The following SHISA6 variants were observed in gnomAD, a reference collection of about 807,000 sequenced individuals.
The protein encoded by SHISA6 is shisa family member 6, also known as protein shisa-6.
Under a neutral mutation model 47.9 loss-of-function variants are expected in SHISA6, and 22 were observed. The observed-to-expected ratio is 0.46, with a 90% CI of 0.33 to 0.66. The LOEUF is 0.66. SHISA6 is among the 30% of genes least tolerant of loss of function. The probability of loss-of-function intolerance (pLI) is 0.02; values close to 1 mark genes in which losing one functional copy is unlikely to be tolerated. For missense variants in SHISA6, 680 were observed against 764.6 expected, an observed-to-expected ratio of 0.89 and a Z score of 1.30; for synonymous variants, 388 against 337.8, an observed-to-expected ratio of 1.15 and a Z score of -1.63.
chr17:11,462,613 TTTTG>T (rs1323540051), intron 3 of SHISA6, among the ~76,000 whole-genome samples: 11 of 152,122 alleles, frequency 7.2e-5, no homozygotes, highest in African/African-American at 2.2e-4. Flanking sequence ...GTGGGGTTTT[TTTTG>T]TTTGTTTGTT....
At chr17:11,350,240 C>T (rs1367918173) in intron 2 of SHISA6, among the ~76,000 whole-genome samples, 3 of 95,238 alleles carry the variant, frequency 3.1e-5, no homozygotes, top group Non-Finnish European at 6.1e-5. Context: ...AGTGCAGTGG[C>T]GCGATCTCGG....
At chr17:11,549,380 A>G (rs956255555) in intron 3 of SHISA6, among the ~76,000 whole-genome samples, 4 of 152,176 alleles carry the variant, frequency 2.6e-5, no homozygotes, top group Admixed American at 2.0e-4. Flanking sequence ...AAGGAAAAGC[A>G]CTGTACTTGT....
In SHISA6 at chr17:11,431,028, G is replaced by A. The variant is rs1328969770; in HGVS notation, c.895+51519G>A. 4.6e-5 allele frequency among the ~76,000 whole-genome samples: 7 copies of A among 152,310 alleles called. No individual in the cohort carries two copies. In the South Asian group the frequency reaches 6.2e-4, roughly 14 times the overall value. On this transcript the variant is annotated intron_variant, in intron 3 of 5. Coordinates refer to ENST00000441885, the MANE Select transcript of SHISA6 (RefSeq NM_207386.4). ...TGGGCTGGGGACTGGTTGACACAGG[G>A]CTGGGGTGCCAAGGTTTGGGATAAT...
intron 2 of SHISA6, among the ~76,000 whole-genome samples, chr17:11,350,469 C>T (rs1331850584): frequency 2.0e-5 from 3 of 151,900 alleles, no homozygotes; most frequent in Admixed American, 6.6e-5. Flanking sequence ...CATGGGCCAC[C>T]GTGCCCAGCC....
At chr17:11,410,647 T>C (rs1161804397) in intron 3 of SHISA6, among the ~76,000 whole-genome samples, 1 of 134,426 alleles carries the variant, frequency 7.4e-6, no homozygotes, top group Non-Finnish European at 1.7e-5. Flanking sequence ...CTTCATCCCT[T>C]AGGTCCAGGA....
chr17:11,430,326 G>A (rs752253512), intron 3 of SHISA6, among the ~76,000 whole-genome samples: 1 of 152,124 alleles, frequency 6.6e-6, no homozygotes, highest in Non-Finnish European at 1.5e-5. Context: ...GAGTAGAATT[G>A]AAGTCTTACT....
chr17:11,283,699 A>G (rs1012134484), intron 2 of SHISA6, among the ~76,000 whole-genome samples: 1 of 152,240 alleles, frequency 6.6e-6, no homozygotes, highest in Admixed American at 6.5e-5. Flanking sequence ...TGCAGATGCC[A>G]GCCACCTTTA....
intron 3 of SHISA6, among the ~76,000 whole-genome samples, chr17:11,531,034 T>A (rs974509057): frequency 6.6e-6 from 1 of 152,144 alleles, no homozygotes; most frequent in African/African-American, 2.4e-5. Flanking sequence ...TCAGTTGTCT[T>A]TGAAACTGAT....
intron 3 of SHISA6, among the ~76,000 whole-genome samples, chr17:11,499,277 T>C (rs2071431490): frequency 6.6e-6 from 1 of 152,058 alleles, no homozygotes; most frequent in Non-Finnish European, 1.5e-5. Flanking sequence ...CCAAGAAGCA[T>C]CTTCCCTCCT....
intron 3 of SHISA6, among the ~76,000 whole-genome samples, chr17:11,479,452 G>T (rs1916158096): frequency 1.3e-5 from 2 of 151,982 alleles, no homozygotes; most frequent in Admixed American, 6.6e-5. Context: ...ACACACCAGG[G>T]CCTGTCAGGA....
chr17:11,482,734 G>A (rs1304106778), intron 3 of SHISA6, among the ~76,000 whole-genome samples: 1 of 152,062 alleles, frequency 6.6e-6, no homozygotes, highest in African/African-American at 2.4e-5. Flanking sequence ...TCAATATTGG[G>A]GCCAAAACTT....
chr17:11,454,502 A>G (rs2142308472), intron 3 of SHISA6, among the ~76,000 whole-genome samples: 1 of 152,296 alleles, frequency 6.6e-6, no homozygotes, highest in East Asian at 1.9e-4. Flanking sequence ...ATTCTGGCCC[A>G]TGGCTACACT....
intron 2 of SHISA6, among the ~76,000 whole-genome samples, chr17:11,370,397 C>T (rs544883819): frequency 1.1e-4 from 16 of 152,290 alleles, no homozygotes; most frequent in African/African-American, 2.4e-4. Context: ...CAGCTGGAGA[C>T]GTCCATGGAT....
intron 3 of SHISA6, among the ~76,000 whole-genome samples, chr17:11,385,559 G>A (rs1302766019): frequency 6.6e-6 from 1 of 152,290 alleles, no homozygotes; most frequent in East Asian, 1.9e-4. Context: ...AGTTTCAGAT[G>A]CTTGTTAACC....
chr17:11,244,410 T>G (rs1907495686), intron 1 of SHISA6, among the ~76,000 whole-genome samples: 1 of 152,142 alleles, frequency 6.6e-6, no homozygotes, highest in South Asian at 2.1e-4. Context: ...TCAGGGAAAC[T>G]TATTTTTCAG....
intron 3 of SHISA6, among the ~76,000 whole-genome samples, chr17:11,534,764 G>A (rs2071770943): frequency 6.6e-6 from 1 of 152,132 alleles, no homozygotes; most frequent in Non-Finnish European, 1.5e-5. Context: ...ACAAGATTCA[G>A]AAAAGTGATG....
intron 2 of SHISA6, among the ~76,000 whole-genome samples, chr17:11,352,392 C>T (rs1001825139): frequency 2.0e-5 from 3 of 151,936 alleles, no homozygotes; most frequent in Non-Finnish European, 2.9e-5. Flanking sequence ...AAAATTGTTG[C>T]GTTTGGTAAT....
chr17:11,526,036 A>G (rs891395940), intron 3 of SHISA6, among the ~76,000 whole-genome samples: 3 of 152,014 alleles, frequency 2.0e-5, no homozygotes, highest in Non-Finnish European at 2.9e-5. Context: ...CCTGTCTTCA[A>G]TAAACTAAGG....
At chr17:11,335,966 G>A (rs997148602) in intron 2 of SHISA6, among the ~76,000 whole-genome samples, 1 of 152,042 alleles carries the variant, frequency 6.6e-6, no homozygotes, top group African/African-American at 2.4e-5. Flanking sequence ...GGAGGCCAAG[G>A]CAGGTGGATT....
Sources: gnomAD v4.1 joint callset for allele counts (sites outside exome capture counted in the v4.1 genomes callset) on GRCh38, gnomAD v4.1.1 for gene constraint, MANE v1.5 for transcripts, NCBI Gene and HGNC (gene_info 2026-07-23, HGNC 2026-07-21) for gene names.